TMEM11: variants seen among roughly 807,000 people sequenced by gnomAD.
TMEM11 encodes the protein transmembrane protein 11, mitochondrial.
A neutral mutation model predicts 17.0 loss-of-function variants in TMEM11; 1 was observed. That is an observed-to-expected ratio of 0.06 (90% CI 0.02 to 0.28). The LOEUF (loss-of-function observed/expected upper bound fraction) is 0.28. Ranked by LOEUF, TMEM11 falls within the 10% of genes least tolerant of loss-of-function variation. TMEM11 has a pLI of 1.00. For missense variants in TMEM11, 172 were observed against 252.9 expected (o/e 0.68, Z 2.17); for synonymous variants, 122 against 118.1 (o/e 1.03, Z -0.21).
chr17:21,207,523 G>A (rs1011777822), intron 1 of TMEM11, among the ~76,000 whole-genome samples: 9 of 151,274 alleles, frequency 5.9e-5, no homozygotes, highest in African/African-American at 2.2e-4. Context: ...GTGAGAGTCC[G>A]TCTCAATAAT....
intron 1 of TMEM11, among the ~76,000 whole-genome samples, chr17:21,199,062 C>T (rs1314025442): frequency 6.6e-6 from 1 of 151,644 alleles, no homozygotes; most frequent in Non-Finnish European, 1.5e-5. Context: ...TGGCTCACAC[C>T]TGTAATCCTA....
At chr17:21,207,272 G>A (rs1314172467) in intron 1 of TMEM11, among the ~76,000 whole-genome samples, 1 of 152,184 alleles carries the variant, frequency 6.6e-6, no homozygotes, top group East Asian at 1.9e-4. Flanking sequence ...GCTCACGCCT[G>A]TAATCCCAGC....
At chr17:21,206,044 T>C (rs929500339) in intron 1 of TMEM11, among the ~76,000 whole-genome samples, 1 of 115,560 alleles carries the variant, frequency 8.7e-6, no homozygotes, top group Non-Finnish European at 1.7e-5. Flanking sequence ...TCCCTGCTTT[T>C]TTTGGGGGGG....
intron 1 of TMEM11, among the ~76,000 whole-genome samples, chr17:21,206,253 G>A (rs766957213): frequency 2.6e-5 from 4 of 152,044 alleles, no homozygotes; most frequent in Non-Finnish European, 5.9e-5. Flanking sequence ...AGGCAGTCTC[G>A]CTCCATTGCC....
Position 21,207,973 on chromosome 17 carries a change from A to G in TMEM11, c.62+6118T>C, listed in dbSNP as rs1168892506. 2.8e-5 allele frequency among the ~76,000 whole-genome samples: 4 copies of G among 143,880 alleles called. No homozygotes were observed. In the South Asian group the frequency reaches 6.7e-4, roughly 24 times the overall value. The allele number at this position is 143,880 out of a possible 152,430, so 94.4% of individuals were successfully genotyped here. ...CTTGTCAATTTCTTCATGCTTTTCTATATTTTTTAAAAAAAAGTGTTTCTT... is the reference window on the plus strand; with the variant it reads ...CTTGTCAATTTCTTCATGCTTTTCTGTATTTTTTAAAAAAAAGTGTTTCTT... On this transcript the variant is annotated intron_variant, in intron 1 of 1. Transcript: ENST00000317635.
chr17:21,200,810 A>G (rs1481362478), intron 1 of TMEM11, among the ~76,000 whole-genome samples: 1 of 152,226 alleles, frequency 6.6e-6, no homozygotes, highest in Non-Finnish European at 1.5e-5. Context: ...CCTGGCAGGC[A>G]CACCTGGCTG....
intron 1 of TMEM11, among the ~76,000 whole-genome samples, chr17:21,201,650 C>T (rs977067432): frequency 6.6e-6 from 1 of 152,060 alleles, no homozygotes; most frequent in Non-Finnish European, 1.5e-5. Context: ...GAGACAGGTT[C>T]CTGCTCTGTC....
intron 1 of TMEM11, among the ~76,000 whole-genome samples, chr17:21,209,728 C>A (rs1157971030): frequency 6.6e-6 from 1 of 152,146 alleles, no homozygotes; most frequent in Admixed American, 6.5e-5. Context: ...GAGATCATAC[C>A]ACTGCACTCC....
intron 1 of TMEM11, among the ~76,000 whole-genome samples, chr17:21,202,247 T>G (rs1339330313): frequency 6.6e-6 from 1 of 151,818 alleles, no homozygotes; most frequent in African/African-American, 2.4e-5. Context: ...GGAAATGGAG[T>G]TGCTTCCAAG....
At chr17:21,203,112 C>T (rs1257620378) in intron 1 of TMEM11, among the ~76,000 whole-genome samples, 2 of 152,210 alleles carry the variant, frequency 1.3e-5, no homozygotes, top group Non-Finnish European at 2.9e-5. Context: ...AAGGGAATCT[C>T]GGTTTCCACT....
chr17:21,203,961 CTTTTTTT>C (rs59460426), intron 1 of TMEM11, among the ~76,000 whole-genome samples: 1 of 124,558 alleles, frequency 8.0e-6, no homozygotes, highest in African/African-American at 3.0e-5. Flanking sequence ...TTTTTTTTTC[CTTTTTTT>C]TTTTTTTTTT....
At chr17:21,213,323 T>C (rs1349032891) in intron 1 of TMEM11, 2 of 152,226 alleles carry the variant, frequency 1.3e-5, no homozygotes, top group Non-Finnish European at 2.9e-5. Context: ...CTGAAACTGC[T>C]TCCCAGATGC....
At chr17:21,199,359 C>T (rs996749034) in intron 1 of TMEM11, among the ~76,000 whole-genome samples, 1 of 114,718 alleles carries the variant, frequency 8.7e-6, no homozygotes, top group Non-Finnish European at 1.9e-5. Flanking sequence ...TATAAAAAGG[C>T]AGGAAAAGCA....
chr17:21,213,181 A>C (rs9895624), intron 1 of TMEM11: 133,045 of 152,212 alleles, frequency 0.87, 58,394 homozygotes, highest in African/African-American at 0.92. Context: ...CCAGCAAAAC[A>C]AAAACTTTTC....
chr17:21,209,208 T>C (rs1309052677), intron 1 of TMEM11, among the ~76,000 whole-genome samples: 2 of 152,198 alleles, frequency 1.3e-5, no homozygotes, highest in Non-Finnish European at 2.9e-5. Flanking sequence ...AGCCCTTCTA[T>C]CTGGGGAGCA....
chr17:21,206,141 A>G (rs1974940135), intron 1 of TMEM11, among the ~76,000 whole-genome samples: 2 of 152,082 alleles, frequency 1.3e-5, no homozygotes, highest in Non-Finnish European at 2.9e-5. Context: ...ACTGTTTTCC[A>G]GAGCAGCTGC....
chr17:21,206,448 C>A (rs987771553), intron 1 of TMEM11, among the ~76,000 whole-genome samples: 18 of 152,130 alleles, frequency 1.2e-4, no homozygotes, highest in Non-Finnish European at 2.4e-4. Context: ...GTCTCGAACT[C>A]CTAAGTGATC....
At chr17:21,201,350 C>T (rs936827221) in intron 1 of TMEM11, among the ~76,000 whole-genome samples, 1 of 152,216 alleles carries the variant, frequency 6.6e-6, no homozygotes, top group African/African-American at 2.4e-5. Flanking sequence ...ATCATAGGCC[C>T]TAATTAAACG....
chr17:21,209,837 C>T (rs757329613), intron 1 of TMEM11, among the ~76,000 whole-genome samples: 1 of 152,208 alleles, frequency 6.6e-6, no homozygotes, highest in Admixed American at 6.5e-5. Context: ...CCCTAATGGA[C>T]TGCAGGGACA....
Sources: gnomAD v4.1 joint callset for allele counts (sites outside exome capture counted in the v4.1 genomes callset) on GRCh38, gnomAD v4.1.1 for gene constraint, MANE v1.5 for transcripts, NCBI Gene and HGNC (gene_info 2026-07-23, HGNC 2026-07-21) for gene names.